ANXA10: variants seen among roughly 807,000 people sequenced by gnomAD.
ANXA10 encodes the protein annexin 14.
In ANXA10, 49 loss-of-function variants were observed where a neutral mutation model predicts 53.5. That is an observed-to-expected ratio of 0.92 (90% CI 0.73 to 1.16). The LOEUF (loss-of-function observed/expected upper bound fraction) is 1.16, where lower values mean the gene tolerates loss of function less well. Ranked by LOEUF, ANXA10 falls within the 50% of genes most tolerant of loss-of-function variation. The pLI is 0.00. For synonymous variants in ANXA10, 131 were observed against 128.9 expected (o/e 1.02, Z -0.11); for missense variants, 393 against 394.4 (o/e 1.00, Z 0.03).
chr4:168,120,751 T>C (rs988562538), intron 1 of ANXA10, among the ~76,000 whole-genome samples: 1 of 152,132 alleles, frequency 6.6e-6, no homozygotes, highest in Non-Finnish European at 1.5e-5. Flanking sequence ...TTAATGTTAA[T>C]GTTTTTATTT....
At chr4:168,108,723 C>G (rs1385773233) in intron 1 of ANXA10, among the ~76,000 whole-genome samples, 1 of 152,132 alleles carries the variant, frequency 6.6e-6, no homozygotes, top group African/African-American at 2.4e-5. Context: ...TGAAGCCACC[C>G]TCTCACTTAA....
intron 1 of ANXA10, among the ~76,000 whole-genome samples, chr4:168,093,003 T>C (rs1246132084): frequency 3.3e-5 from 5 of 152,152 alleles, no homozygotes; most frequent in African/African-American, 1.2e-4. Context: ...ATTAAAGATT[T>C]GGATTTGAGC....
chr4:168,125,087 C>G (rs181219110), intron 1 of ANXA10, among the ~76,000 whole-genome samples: 1 of 152,080 alleles, frequency 6.6e-6, no homozygotes, highest in African/African-American at 2.4e-5. Flanking sequence ...GTGTTTAAAG[C>G]CATTGAAACC....
chr4:168,164,389 T>G, intron 5 of ANXA10, 101 bp downstream of exon 5: 1 of 903,310 alleles, frequency 1.1e-6, no homozygotes, highest in Middle Eastern at 3.2e-4. Flanking sequence ...TCTAAGACAT[T>G]CTTACATTTA....
chr4:168,113,520 A>G (rs999434647), intron 1 of ANXA10, among the ~76,000 whole-genome samples: 11 of 152,224 alleles, frequency 7.2e-5, no homozygotes, highest in African/African-American at 2.4e-4. Context: ...TGTCCTCTCT[A>G]AAGGAAAAGT....
chr4:168,107,003 G>A (rs1208407163), intron 1 of ANXA10, among the ~76,000 whole-genome samples: 1 of 152,096 alleles, frequency 6.6e-6, no homozygotes, highest in Non-Finnish European at 1.5e-5. Flanking sequence ...TAAATTAGTG[G>A]CAAAAAGTAT....
intron 3 of ANXA10, among the ~76,000 whole-genome samples, chr4:168,148,466 T>C (rs1731441678): frequency 6.6e-6 from 1 of 152,182 alleles, no homozygotes; most frequent in Non-Finnish European, 1.5e-5. Context: ...TGCCTGGCCA[T>C]GACAATTTTT....
intron 6 of ANXA10, among the ~76,000 whole-genome samples, chr4:168,172,360 T>C (rs557595061): frequency 1.3e-5 from 2 of 152,376 alleles, no homozygotes; most frequent in East Asian, 1.9e-4. Flanking sequence ...ATTTCAGATA[T>C]GTAAAGTTGC....
At chr4:168,184,187 C>A (rs1425412007) in intron 10 of ANXA10, among the ~76,000 whole-genome samples, 1 of 152,134 alleles carries the variant, frequency 6.6e-6, no homozygotes, top group Admixed American at 6.5e-5. Context: ...ACCACAGGAT[C>A]AGATTTGCAG....
intron 1 of ANXA10, among the ~76,000 whole-genome samples, chr4:168,098,379 G>A (rs1489988292): frequency 4.6e-5 from 7 of 151,996 alleles, no homozygotes; most frequent in Admixed American, 4.6e-4. Flanking sequence ...GTCATTTAAA[G>A]GTCATTATTT....
At chr4:168,116,112 A>G (rs1037949670) in intron 1 of ANXA10, among the ~76,000 whole-genome samples, 4 of 152,238 alleles carry the variant, frequency 2.6e-5, no homozygotes, top group Non-Finnish European at 5.9e-5. Flanking sequence ...GCCATGTGTA[A>G]TAGAGATGCA....
chr4:168,179,663 G>A (rs986807230), intron 9 of ANXA10, among the ~76,000 whole-genome samples: 5 of 152,096 alleles, frequency 3.3e-5, no homozygotes, highest in Non-Finnish European at 7.4e-5. Context: ...TCCAAGAGCC[G>A]ATAAATACTT....
chr4:168,172,906 C>G (rs1732043041), intron 6 of ANXA10, among the ~76,000 whole-genome samples: 1 of 151,852 alleles, frequency 6.6e-6, no homozygotes, highest in African/African-American at 2.4e-5. Context: ...TCTCCTGCCT[C>G]AGCCTCCCAA....
chr4:168,179,717 G>A (rs111248456), intron 9 of ANXA10, among the ~76,000 whole-genome samples: 1 of 152,198 alleles, frequency 6.6e-6, no homozygotes, highest in African/African-American at 2.4e-5. Context: ...GGATATTTTA[G>A]TGACCATTAC....
intron 1 of ANXA10, chr4:168,113,236 G>A (rs1018870164): frequency 6.5e-6 from 1 of 152,774 alleles, no homozygotes; most frequent in Non-Finnish European, 1.5e-5. Context: ...CACGGTTCTG[G>A]AGGCTGGAAA....
intron 1 of ANXA10, among the ~76,000 whole-genome samples, chr4:168,096,911 C>CATATATATATATATATATATGTAT (rs35451323): frequency 1.3e-4 from 14 of 109,636 alleles, no homozygotes; most frequent in South Asian, 5.0e-4. Flanking sequence ...AATACAAATG[C>CATATATATATATATATATATGTAT]ATATATATAT....
chr4:168,123,525 G>A (rs1425460771), intron 1 of ANXA10, among the ~76,000 whole-genome samples: 2 of 152,126 alleles, frequency 1.3e-5, no homozygotes, highest in Non-Finnish European at 2.9e-5. Flanking sequence ...ATCACTTGGG[G>A]GATGAGGAAT....
chr4:168,124,681 G>A (rs1731040946), intron 1 of ANXA10, among the ~76,000 whole-genome samples: 1 of 152,160 alleles, frequency 6.6e-6, no homozygotes, highest in African/African-American at 2.4e-5. Context: ...TGTAATTAAA[G>A]CTAGCATACT....
intron 3 of ANXA10, 31 bp from the exon 4 acceptor site, chr4:168,162,497 A>G (rs762462705): frequency 2.0e-6 from 3 of 1,512,002 alleles, no homozygotes; most frequent in Admixed American, 3.4e-5. Context: ...TTGGTAACAT[A>G]TAATAAATAT....
Sources: allele counts gnomAD v4.1 joint callset (sites outside exome capture counted in the v4.1 genomes callset), GRCh38; gene constraint gnomAD v4.1.1; transcripts MANE v1.5; gene names NCBI Gene and HGNC (gene_info 2026-07-23, HGNC 2026-07-21).